The following AFF2 variants were observed in gnomAD, a reference collection of about 807,000 sequenced individuals.
AFF2 encodes the protein ALF transcription elongation factor 2.
AFF2 carries 14 observed loss-of-function variants against 76.9 expected under a neutral mutation model. That is an observed-to-expected ratio of 0.18 (90% CI 0.12 to 0.28). AFF2 has a LOEUF of 0.28. Ranked by LOEUF, AFF2 falls within the 10% of genes least tolerant of loss-of-function variation. The pLI, the probability that AFF2 is intolerant of heterozygous loss-of-function variation, is 1.00. For synonymous variants in AFF2, 398 were observed against 366.7 expected (o/e 1.09, Z -0.98); for missense variants, 868 against 1,001.1 (o/e 0.87, Z 1.79).
At chrX:148,600,771 C>CA (rs1332898587) in intron 1 of AFF2, among the ~76,000 whole-genome samples, 2 of 112,287 alleles carry the variant, frequency 1.8e-5, no homozygotes, top group African/African-American at 6.5e-5. Context: ...CTGCCGCCCC[C>CA]AAACTCCCTG....
At chrX:148,674,596 G>A (rs188666662) in intron 3 of AFF2, among the ~76,000 whole-genome samples, 1 of 111,979 alleles carries the variant, frequency 8.9e-6, no homozygotes, top group East Asian at 2.8e-4. Flanking sequence ...CTCTATTCAA[G>A]AGAATCTTTT....
intron 1 of AFF2, among the ~76,000 whole-genome samples, chrX:148,625,089 C>T (rs1206933360): frequency 3.6e-5 from 4 of 110,627 alleles, no homozygotes; most frequent in African/African-American, 9.9e-5. Context: ...CTATGAGGGA[C>T]CTGTCACTCT....
intron 1 of AFF2, among the ~76,000 whole-genome samples, chrX:148,627,798 G>GAA (rs199838373): frequency 2.7e-5 from 3 of 110,665 alleles, no homozygotes; most frequent in Admixed American, 1.9e-4. Context: ...GCAAGTTTGA[G>GAA]AAAAAAATTG....
Position 148,997,630 on chromosome X carries a change from T to A in AFF2, c.*6298T>A, listed in dbSNP as rs1557293522. On this transcript the variant is annotated 3_prime_UTR_variant, in exon 21 of 21. Transcript: ENST00000370460. The stretch of plus-strand genomic sequence containing the variant: ...CTGGCACGATAGCAGGGACTGGGGG[T>A]CTATCCTTTCATGGTATTGCTACAA... The A allele has an allele frequency of 1.8e-5, 2 of 111,572 alleles. No individual in the cohort carries two copies. Among genetic ancestry groups the A allele is most frequent in the African/African-American group, 6.5e-5 (2 of 30,615 alleles). 9.2% of individuals were successfully genotyped at this position (111,572 alleles called of 1,213,427 possible). A position where few individuals can be genotyped will look rare whatever the true frequency, so the allele number is the denominator to read the frequency against.
chrX:148,745,740 T>C (rs1175776502), intron 3 of AFF2, among the ~76,000 whole-genome samples: 2 of 110,425 alleles, frequency 1.8e-5, no homozygotes, highest in Non-Finnish European at 3.8e-5. Context: ...TTTTTATTAT[T>C]ATTATTATTG....
intron 1 of AFF2, among the ~76,000 whole-genome samples, chrX:148,573,425 G>T (rs868982551): frequency 2.7e-5 from 3 of 111,038 alleles, no homozygotes; most frequent in African/African-American, 9.8e-5. Flanking sequence ...CTAGACCAAC[G>T]TATAGTTTCC....
chrX:148,995,146 ATTGTTG>A lies in AFF2; in HGVS notation c.*3823_*3828del, dbSNP rs782044053. 1 of 111,204 alleles carries A rather than the reference ATTGTTG, an allele frequency of 9.0e-6. No individual in the cohort carries two copies. Among genetic ancestry groups the A allele is most frequent in the African/African-American group, 3.3e-5 (1 of 30,480 alleles). 9.2% of individuals were successfully genotyped at this position (111,204 alleles called of 1,213,427 possible). A position where few individuals can be genotyped will look rare whatever the true frequency, so the allele number is the denominator to read the frequency against. On this transcript the variant is annotated 3_prime_UTR_variant, in exon 21 of 21. Coordinates refer to ENST00000370460, the MANE Select transcript of AFF2 (RefSeq NM_002025.4). The stretch of plus-strand genomic sequence containing the variant: ...GACTAAATTCTTCATCGTTGTTGTT[ATTGTTG>A]TTGTTGTTTCTCATTTTCACTCGCA...
intron 1 of AFF2, among the ~76,000 whole-genome samples, 189 bp downstream of exon 1, chrX:148,501,333 G>A (rs960024375): frequency 8.9e-6 from 1 of 112,498 alleles, no homozygotes. Context: ...GGGGAGGTGC[G>A]GGAAGAGGGA....
intron 2 of AFF2, among the ~76,000 whole-genome samples, chrX:148,655,237 A>G (rs1409140489): frequency 9.2e-6 from 1 of 108,166 alleles, no homozygotes; most frequent in African/African-American, 3.4e-5. Context: ...CTATTGTGTG[A>G]TTAGTAGCTT....
At chrX:148,861,156 A>C (rs949938523) in intron 7 of AFF2, among the ~76,000 whole-genome samples, 6 of 111,756 alleles carry the variant, frequency 5.4e-5, no homozygotes, top group Non-Finnish European at 1.1e-4. Flanking sequence ...CTCATCTTCT[A>C]ATTGAAAATT....
chrX:148,781,077 G>C (rs1171488218), intron 3 of AFF2, among the ~76,000 whole-genome samples: 1 of 111,942 alleles, frequency 8.9e-6, no homozygotes, highest in Admixed American at 9.5e-5. Context: ...CACCAGCGGA[G>C]GCTTCAGAAC....
intron 7 of AFF2, among the ~76,000 whole-genome samples, chrX:148,855,958 A>C (rs1239447965): frequency 8.9e-6 from 1 of 111,792 alleles, no homozygotes; most frequent in African/African-American, 3.3e-5. Context: ...GAGTCTTTTG[A>C]GTGAGTGCTG....
intron 3 of AFF2, among the ~76,000 whole-genome samples, chrX:148,743,166 A>G (rs970851597): frequency 1.1e-3 from 118 of 111,617 alleles, no homozygotes; most frequent in African/African-American, 3.8e-3. Context: ...TTGTGATACT[A>G]TTTTCTCATG....
intron 3 of AFF2, among the ~76,000 whole-genome samples, chrX:148,771,797 A>G (rs2069590906): frequency 8.9e-6 from 1 of 112,009 alleles, no homozygotes; most frequent in African/African-American, 3.2e-5. Context: ...TGCTGATTTA[A>G]TACAGCCTGA....
intron 1 of AFF2, among the ~76,000 whole-genome samples, chrX:148,522,027 G>A (rs983731102): frequency 2.7e-4 from 30 of 112,076 alleles, no homozygotes; most frequent in African/African-American, 9.4e-4. Flanking sequence ...CCATATTGTC[G>A]GTGAGCCAAA....
At chrX:148,830,148 G>A (rs894073734) in intron 4 of AFF2, among the ~76,000 whole-genome samples, 8 of 111,923 alleles carry the variant, frequency 7.1e-5, no homozygotes, top group South Asian at 7.6e-4. Context: ...GGCCCTGAGA[G>A]GAAAAAGATC....
At chrX:148,859,270 C>A (rs1557276193) in intron 7 of AFF2, among the ~76,000 whole-genome samples, 1 of 108,635 alleles carries the variant, frequency 9.2e-6, no homozygotes, top group Non-Finnish European at 1.9e-5. Context: ...GGTTACTGGG[C>A]TTAATATCTG....
At chrX:148,930,483 T>A (rs2071699490) in intron 9 of AFF2, among the ~76,000 whole-genome samples, 2 of 111,922 alleles carry the variant, frequency 1.8e-5, no homozygotes, top group Non-Finnish European at 3.8e-5. Flanking sequence ...TTGTGAAATG[T>A]CCACTGTCCC....
intron 3 of AFF2, among the ~76,000 whole-genome samples, chrX:148,674,775 A>T (rs2054464316): frequency 8.9e-6 from 1 of 112,254 alleles, no homozygotes; most frequent in African/African-American, 3.2e-5. Flanking sequence ...AGCCAGCCCT[A>T]TTATTTTATC....
Sources: allele counts gnomAD v4.1 joint callset (sites outside exome capture counted in the v4.1 genomes callset), GRCh38; gene constraint gnomAD v4.1.1; transcripts MANE v1.5; gene names NCBI Gene and HGNC (gene_info 2026-07-23, HGNC 2026-07-21).